Variants in TMEM186 observed in about 807,000 individuals in gnomAD.
The protein encoded by TMEM186 is transmembrane protein 186, also known as chromosome 16 open reading frame 51.
Under a neutral mutation model 2.5 loss-of-function variants are expected in TMEM186, and 2 were observed. That is an observed-to-expected ratio of 0.79 (90% CI 0.32 to 2.50). The LOEUF (loss-of-function observed/expected upper bound fraction) is 2.50. Ranked by LOEUF, TMEM186 falls within the 30% of genes most tolerant of loss-of-function variation. The pLI is 0.11. For missense variants in TMEM186, 321 were observed against 276.5 expected, an observed-to-expected ratio of 1.16 and a Z score of -1.14; for synonymous variants, 120 against 104.9, an observed-to-expected ratio of 1.14 and a Z score of -0.88.
rs577832249 is a variant in TMEM186, at chr16:8,796,504, C to G, written c.90G>C (p.Gln30His). The stretch of plus-strand genomic sequence containing the variant: ...TGCCCACCCACCTCTTAGGATCCTC[C>G]TGCCCACTGCAGCACCACAGCCCAT... ...PLHGLWCCSG[Q>H]EDPKRWVGSS... Residue 30 changes from glutamine (Q) to histidine (H), a missense_variant, in exon 2 of 2, where the codon CAG becomes CAC. Gln to His is a conservative substitution (Grantham distance 24). Transcript: ENST00000333050. The G allele has an allele frequency of 2.5e-6, 4 of 1,614,210 alleles. No individual in the cohort carries two copies. The African/African-American group carries it at 5.3e-5, about 22-fold the overall frequency.
Position 8,796,307 on chromosome 16 carries a change from C to T in TMEM186, c.287G>A (p.Gly96Asp), listed in dbSNP as rs752119370. The T allele has an allele frequency of 1.2e-6, 2 of 1,614,192 alleles. No homozygotes were observed. The highest frequency in any genetic ancestry group is 1.7e-6 in the Non-Finnish European group (2 of 1,180,034). ...LPPGYYLYSQ[G>D]LLTLNTVCLM... ...GCACACGGTGTTGAGAGTGAGGAGGCCCTGGGAGTACAAGTAATAGCCTGG... is the reference window on the plus strand; with the variant it reads ...GCACACGGTGTTGAGAGTGAGGAGGTCCTGGGAGTACAAGTAATAGCCTGG... Residue 96 changes from glycine (G) to aspartate (D), a missense_variant, in exon 2 of 2, where the codon GGC (glycine) becomes GAC (aspartate). Gly to Asp is a moderately conservative substitution (Grantham distance 94, BLOSUM62 -1). Coordinates refer to ENST00000333050, the MANE Select transcript of TMEM186 (RefSeq NM_015421.4).
chr16:8,797,423 C>A (rs755613897), intron 1 of TMEM186, among the ~76,000 whole-genome samples, 189 bp downstream of exon 1: 2 of 147,904 alleles, frequency 1.4e-5, no homozygotes, highest in African/African-American at 2.5e-5. Flanking sequence ...GTTTTAGCTA[C>A]TACTACTGTG....
Position 8,797,530 on chromosome 16 carries a change from G to A in TMEM186, c.3+82C>T, listed in dbSNP as rs948870659. The A allele has an allele frequency of 5.3e-6, 8 of 1,514,348 alleles. No individual in the cohort carries two copies. The African/African-American group carries it at 5.6e-5, about 11-fold the overall frequency. 93.8% of individuals were successfully genotyped at this position (1,514,348 alleles called of 1,614,324 possible). ...CACGGATCCTCGGAGTCCGAAACCC[G>A]AGCGTCGGGCCTGCCCGCCCCAGCC... On this transcript the variant is annotated intron_variant, in intron 1 of 1. Coordinates refer to ENST00000333050, the MANE Select transcript of TMEM186 (RefSeq NM_015421.4).
rs1372957155 is a variant in TMEM186 at position 8,796,432 on chromosome 16, C to T, written c.162G>A (p.Glu54=). Residue 54 remains glutamate, a synonymous_variant, in exon 2 of 2, where the codon GAG becomes GAA. Transcript: ENST00000333050. ...CAAAACGGTAAAACATCCAGAATTT[C>T]TCAGTCTCTGCGTTTGGTAGTTTCT... ...SKEKLPNAET[E]KFWMFYRFDA... The T allele has an allele frequency of 6.2e-7, 1 of 1,614,120 alleles. No homozygotes were observed. Among genetic ancestry groups the T allele is most frequent in the East Asian group, 2.2e-5 (1 of 44,900 alleles).
chr16:8,796,016 T>C lies in TMEM186; in HGVS notation c.578A>G (p.Tyr193Cys). The change falls in exon 2 of 2, where the codon TAT becomes TGT. Residue 193 changes from tyrosine to cysteine, a missense_variant. Physicochemically the swap from Tyr to Cys is radical, Grantham distance 194. Coordinates refer to ENST00000333050, the MANE Select transcript of TMEM186 (RefSeq NM_015421.4). ...GKQTFYVTLR[Y>C]GRILDRERFT... ...ACGCTCTCTGTCCAGGATGCGTCCA[T>C]AGCGCAGGGTGACGTAGAAGGTCTG... The C allele has an allele frequency of 1.2e-6, 2 of 1,614,184 alleles. No individual in the cohort carries two copies. Among genetic ancestry groups the C allele is most frequent in the Non-Finnish European group, 1.7e-6 (2 of 1,180,028 alleles).
At position 8,796,560 on chromosome 16, in the gene TMEM186, G is replaced by A. The variant is rs374275241; in HGVS notation, c.34C>T (p.Arg12Trp). ...AALLRAVRRF[R>W]GKAVWERPLH... ...GGCCTTTCCCACACAGCTTTTCCCC[G>A]AAACCTACGCACAGCTCGGAGAAGG... is the stretch of plus-strand genomic sequence containing the variant. Residue 12 changes from arginine (R) to tryptophan (W), a missense_variant, in exon 2 of 2, where the codon CGG becomes TGG. Arg to Trp is a moderately radical substitution (Grantham distance 101, BLOSUM62 -3). Coordinates refer to ENST00000333050, the MANE Select transcript of TMEM186 (RefSeq NM_015421.4). The A allele has an allele frequency of 1.1e-5, 18 of 1,613,732 alleles. No homozygotes were observed. Among genetic ancestry groups the A allele is most frequent in the African/African-American group, 4.0e-5 (3 of 74,898 alleles).
At position 8,796,461 on chromosome 16, in the gene TMEM186, T is replaced by C. The variant is rs2060576927; in HGVS notation, c.133A>G (p.Lys45Glu). The C allele has an allele frequency of 3.7e-6, 6 of 1,614,208 alleles. No homozygotes were observed. Among genetic ancestry groups the C allele is most frequent in the Non-Finnish European group, 4.2e-6 (5 of 1,180,044 alleles). Residue 45 changes from lysine to glutamate, a missense_variant, in exon 2 of 2, where the codon AAG becomes GAG. Physicochemically the swap from Lys to Glu is moderately conservative, Grantham distance 56. Coordinates refer to ENST00000333050, the MANE Select transcript of TMEM186 (RefSeq NM_015421.4). ...RWVGSSSPIS[K>E]EKLPNAETEK... ...GTCTCTGCGTTTGGTAGTTTCTCCT[T>C]CGAGATGGGTGAACTGCTGCCCACC... is the stretch of plus-strand genomic sequence containing the variant.
Position 8,797,597 on chromosome 16 carries a change from C to A in TMEM186, c.3+15G>T. 1 of 1,603,730 alleles carries A rather than the reference C, an allele frequency of 6.2e-7. No homozygotes were observed. The highest frequency in any genetic ancestry group is 8.5e-7 in the Non-Finnish European group (1 of 1,175,662). On this transcript the variant is annotated intron_variant, in intron 1 of 1. Coordinates refer to ENST00000333050, the MANE Select transcript of TMEM186 (RefSeq NM_015421.4). ...AGAGCATCACCCCCTCAAGGCTCGC[C>A]ACCCGCCTCCTTACCATGGCCCCAC...
rs1450509943 is a variant in TMEM186 at position 8,797,634 on chromosome 16, G to A, written c.-20C>T. On this transcript the variant is annotated 5_prime_UTR_variant, in exon 1 of 2. Coordinates refer to ENST00000333050, the MANE Select transcript of TMEM186 (RefSeq NM_015421.4). The stretch of plus-strand genomic sequence containing the variant: ...TACCATGGCCCCACCACCTGCTGCC[G>A]GAAGTAAATCCCACCGGCCCCCGGA... 1 of 1,599,970 alleles carries A rather than the reference G, an allele frequency of 6.3e-7. No homozygotes were observed. The highest frequency in any genetic ancestry group is 8.5e-7 in the Non-Finnish European group (1 of 1,173,866).
chr16:8,795,764 G>T lies in TMEM186; in HGVS notation c.*188C>A. ...AACAAGTGCTGTAAGAACTTGCTTA[G>T]AGCCTTTTTCCTAAACCTGTACACC... On this transcript the variant is annotated 3_prime_UTR_variant, in exon 2 of 2. Transcript: ENST00000333050. The T allele has an allele frequency of 1.5e-6, 1 of 684,892 alleles. No homozygotes were observed. Among genetic ancestry groups the T allele is most frequent in the Non-Finnish European group, 2.5e-6 (1 of 405,764 alleles). 42.4% of individuals were successfully genotyped at this position (684,892 alleles called of 1,614,324 possible). A position where few individuals can be genotyped will look rare whatever the true frequency, so the allele number is the denominator to read the frequency against.
At chr16:8,797,018 T>G (rs1369073694) in intron 1 of TMEM186, among the ~76,000 whole-genome samples, 1 of 152,212 alleles carries the variant, frequency 6.6e-6, no homozygotes. Context: ...AACTAAATAA[T>G]CAGTGTCTTA....
Position 8,795,646 on chromosome 16 carries a change from C to T in TMEM186, c.*306G>A. ...CACACCTCTTTGCCTTTCTCTTTCA[C>T]ACCAATGGACTCTATGGGTGACCTT... On this transcript the variant is annotated 3_prime_UTR_variant, in exon 2 of 2. Transcript: ENST00000333050. The T allele has an allele frequency of 3.6e-6, 1 of 277,676 alleles. No homozygotes were observed. Among genetic ancestry groups the T allele is most frequent in the Non-Finnish European group, 6.8e-6 (1 of 146,650 alleles). 17.2% of individuals were successfully genotyped at this position (277,676 alleles called of 1,614,324 possible). A position where few individuals can be genotyped will look rare whatever the true frequency, so the allele number is the denominator to read the frequency against.
In TMEM186 at chr16:8,795,866, C is replaced by G; in HGVS notation, c.*86G>C. 6.1e-6 allele frequency: 9 copies of G among 1,472,620 alleles called. No homozygotes were observed. The highest frequency in any genetic ancestry group is 8.3e-6 in the Non-Finnish European group (9 of 1,090,442). The allele number at this position is 1,472,620 out of a possible 1,614,324, so 91.2% of individuals were successfully genotyped here. A position where few individuals can be genotyped will look rare whatever the true frequency, so the allele number is the denominator to read the frequency against. Reference sequence around the variant, plus strand: ...CAGGCAAAGTCTCCAAGTACCCAGTCCCCTTTCTTCAGCCTTGCCCACACC... The same window carrying G: ...CAGGCAAAGTCTCCAAGTACCCAGTGCCCTTTCTTCAGCCTTGCCCACACC... On this transcript the variant is annotated 3_prime_UTR_variant, in exon 2 of 2. Coordinates refer to ENST00000333050, the MANE Select transcript of TMEM186 (RefSeq NM_015421.4).
chr16:8,797,585 C>G (rs113804940), intron 1 of TMEM186, 27 bp downstream of exon 1: 194 of 1,601,556 alleles, frequency 1.2e-4, no homozygotes, highest in Non-Finnish European at 1.5e-4. Context: ...GCATCACCCC[C>G]TCAAGGCTCG....
chr16:8,797,463 G>T, intron 1 of TMEM186, 149 bp downstream of exon 1: 1 of 1,059,182 alleles, frequency 9.4e-7, no homozygotes, highest in Non-Finnish European at 1.4e-6. Context: ...GCAAGAGAAA[G>T]CCCGGGAAAA....
Position 8,795,844 on chromosome 16 carries a change from G to A in TMEM186, c.*108C>T, listed in dbSNP as rs2060571808. On this transcript the variant is annotated 3_prime_UTR_variant, in exon 2 of 2. Transcript: ENST00000333050. ...AAAACACATGTTCCCAGGGGCCCAG[G>A]CAAAGTCTCCAAGTACCCAGTCCCC... is the stretch of plus-strand genomic sequence containing the variant. 1 of 1,328,708 alleles carries A rather than the reference G, an allele frequency of 7.5e-7. No homozygotes were observed. The highest frequency in any genetic ancestry group is 1.0e-6 in the Non-Finnish European group (1 of 964,980). 82.3% of individuals were successfully genotyped at this position (1,328,708 alleles called of 1,614,324 possible). A position where few individuals can be genotyped will look rare whatever the true frequency, so the allele number is the denominator to read the frequency against.
chr16:8,795,878 G>C lies in TMEM186; in HGVS notation c.*74C>G, dbSNP rs1026886165. On this transcript the variant is annotated 3_prime_UTR_variant, in exon 2 of 2. Transcript: ENST00000333050. ...CCAAGTACCCAGTCCCCTTTCTTCA[G>C]CCTTGCCCACACCCTCAGCCTTCCT... The C allele has an allele frequency of 6.6e-7, 1 of 1,526,700 alleles. No individual in the cohort carries two copies. Among genetic ancestry groups the C allele is most frequent in the African/African-American group, 1.4e-5 (1 of 72,532 alleles). The allele number at this position is 1,526,700 out of a possible 1,614,324, so 94.6% of individuals were successfully genotyped here. A position where few individuals can be genotyped will look rare whatever the true frequency, so the allele number is the denominator to read the frequency against.
chr16:8,795,750 TA>T lies in TMEM186; in HGVS notation c.*201del. On this transcript the variant is annotated 3_prime_UTR_variant, in exon 2 of 2. Transcript: ENST00000333050. Reference sequence around the variant, plus strand: ...GACTGAATGTCACAAACAAGTGCTGTAAGAACTTGCTTAGAGCCTTTTTCCT... The same window carrying T: ...GACTGAATGTCACAAACAAGTGCTGTAGAACTTGCTTAGAGCCTTTTTCCT... 1 of 614,232 alleles carries T rather than the reference TA, an allele frequency of 1.6e-6. No individual in the cohort carries two copies. Among genetic ancestry groups the T allele is most frequent in the Non-Finnish European group, 2.8e-6 (1 of 355,608 alleles). 38.0% of individuals were successfully genotyped at this position (614,232 alleles called of 1,614,324 possible).
chr16:8,795,746 G>A lies in TMEM186; in HGVS notation c.*206C>T. On this transcript the variant is annotated 3_prime_UTR_variant, in exon 2 of 2. Coordinates refer to ENST00000333050, the MANE Select transcript of TMEM186 (RefSeq NM_015421.4). ...ATCTGACTGAATGTCACAAACAAGT[G>A]CTGTAAGAACTTGCTTAGAGCCTTT... 1.7e-6 allele frequency: 1 copy of A among 592,680 alleles called. No individual in the cohort carries two copies. The highest frequency in any genetic ancestry group is 2.6e-5 in the South Asian group (1 of 38,614). 36.7% of individuals were successfully genotyped at this position (592,680 alleles called of 1,614,324 possible).
Sources: gnomAD v4.1 joint callset for allele counts (sites outside exome capture counted in the v4.1 genomes callset) on GRCh38, gnomAD v4.1.1 for gene constraint, MANE v1.5 for transcripts, NCBI Gene and HGNC (gene_info 2026-07-23, HGNC 2026-07-21) for gene names.